Variants in BORCS5 observed in about 807,000 individuals in gnomAD.
The protein encoded by BORCS5 is BLOC-1 related complex subunit 5.
Under a neutral mutation model 22.1 loss-of-function variants are expected in BORCS5, and 17 were observed. The ratio of observed to expected loss-of-function variants is 0.77; its 90% CI spans 0.53 to 1.15. The LOEUF (loss-of-function observed/expected upper bound fraction) is 1.15, where lower values mean the gene tolerates loss of function less well. Among genes scored for constraint, BORCS5 ranks in the 50% most tolerant of loss-of-function variants. The pLI, the probability that BORCS5 is intolerant of heterozygous loss-of-function variation, is 0.00. For synonymous variants in BORCS5, 117 were observed against 99.8 expected (o/e 1.17, Z -1.03); for missense variants, 247 against 253.2 (o/e 0.98, Z 0.17).
chr12:12,403,942 T>C (rs1234185192), intron 2 of BORCS5, among the ~76,000 whole-genome samples: 2 of 152,240 alleles, frequency 1.3e-5, no homozygotes, highest in Non-Finnish European at 2.9e-5. Flanking sequence ...CTTGGCTTTG[T>C]TGACCTTTGG....
chr12:12,372,328 T>C (rs1863548118), intron 2 of BORCS5, among the ~76,000 whole-genome samples: 1 of 151,846 alleles, frequency 6.6e-6, no homozygotes, highest in Non-Finnish European at 1.5e-5. Flanking sequence ...TGCATTTCTT[T>C]TAAAATTTAC....
chr12:12,446,766 A>G (rs1942799063), intron 3 of BORCS5, among the ~76,000 whole-genome samples: 1 of 152,198 alleles, frequency 6.6e-6, no homozygotes, highest in Non-Finnish European at 1.5e-5. Context: ...AGTAGAGAGC[A>G]TTTCACTTGT....
intron 2 of BORCS5, among the ~76,000 whole-genome samples, chr12:12,372,531 T>C (rs1863554199): frequency 1.3e-5 from 2 of 152,068 alleles, no homozygotes; most frequent in African/African-American, 4.8e-5. Context: ...TTTATTCCTT[T>C]AAGGATACCA....
chr12:12,452,221 C>T (rs1373130375), intron 3 of BORCS5: 3 of 659,902 alleles, frequency 4.5e-6, no homozygotes, highest in Non-Finnish European at 5.5e-6. Flanking sequence ...CAGGCTGAAG[C>T]TCCCCCTCAG....
At chr12:12,362,905 C>T (rs1304389735) in intron 2 of BORCS5, among the ~76,000 whole-genome samples, 2 of 151,900 alleles carry the variant, frequency 1.3e-5, no homozygotes, top group African/African-American at 4.8e-5. Context: ...CCCACCTCGG[C>T]CTCCCAAAGT....
intron 2 of BORCS5, among the ~76,000 whole-genome samples, chr12:12,388,152 T>C (rs1863923785): frequency 6.6e-6 from 1 of 151,514 alleles, no homozygotes; most frequent in African/African-American, 2.4e-5. Flanking sequence ...ATGCTTATTA[T>C]GTATATCATT....
intron 2 of BORCS5, among the ~76,000 whole-genome samples, chr12:12,363,570 C>T (rs1438557756): frequency 6.6e-6 from 1 of 152,102 alleles, no homozygotes; most frequent in Non-Finnish European, 1.5e-5. Flanking sequence ...CCTGTCTCTA[C>T]TGAAAGTACA....
chr12:12,439,449 G>A (rs940150825), intron 3 of BORCS5, among the ~76,000 whole-genome samples: 4 of 151,978 alleles, frequency 2.6e-5, no homozygotes, highest in Admixed American at 2.6e-4. Flanking sequence ...GCAACATGGT[G>A]AAACCCCATC....
Position 12,371,214 on chromosome 12 carries a change from C to A in BORCS5, c.202+9865C>A, listed in dbSNP as rs58932972. The stretch of plus-strand genomic sequence containing the variant: ...TTAGTGAAGGGTCTTATTTAGAATC[C>A]ATTTCTGGACCTTCTCAGAAGATTT... On this transcript the variant is annotated intron_variant, in intron 2 of 3. Transcript: ENST00000314565. Among the ~76,000 whole-genome samples the A allele has an allele frequency of 7.0e-3, 1,069 of 152,246 alleles. 11 individuals are homozygous for A. The highest frequency in any genetic ancestry group is 0.027 in the Middle Eastern group (8 of 294).
intron 2 of BORCS5, among the ~76,000 whole-genome samples, chr12:12,398,130 C>G (rs1256853954): frequency 6.6e-6 from 1 of 152,152 alleles, no homozygotes; most frequent in Non-Finnish European, 1.5e-5. Flanking sequence ...AGAAGATGCA[C>G]TAATGCATCA....
At position 12,430,911 on chromosome 12, in the gene BORCS5, A is replaced by G. The variant is rs559857287; in HGVS notation, c.203-4717A>G. Among the ~76,000 whole-genome samples the G allele has an allele frequency of 3.9e-5, 6 of 152,260 alleles. No homozygotes were observed. In the East Asian group the frequency reaches 1.2e-3, roughly 29 times the overall value. On this transcript the variant is annotated intron_variant, in intron 2 of 3. Coordinates refer to ENST00000314565, the MANE Select transcript of BORCS5 (RefSeq NM_058169.6). ...ATGTAAGTACATAGAGAGCGCCCTC[A>G]TTCTTTTCTTTGTTCATGTAATACT...
chr12:12,430,927 A>G lies in BORCS5; in HGVS notation c.203-4701A>G, dbSNP rs533365833. Among the ~76,000 whole-genome samples the G allele has an allele frequency of 2.0e-5, 3 of 152,210 alleles. No individual in the cohort carries two copies. The East Asian group carries it at 5.8e-4, about 29-fold the overall frequency. Reference sequence around the variant, plus strand: ...AGCGCCCTCATTCTTTTCTTTGTTCATGTAATACTATTTATAGATATACCC... The same window carrying G: ...AGCGCCCTCATTCTTTTCTTTGTTCGTGTAATACTATTTATAGATATACCC... On this transcript the variant is annotated intron_variant, in intron 2 of 3. Coordinates refer to ENST00000314565, the MANE Select transcript of BORCS5 (RefSeq NM_058169.6).
chr12:12,453,229 A>T (rs975488323), intron 3 of BORCS5, among the ~76,000 whole-genome samples: 3 of 152,234 alleles, frequency 2.0e-5, no homozygotes, highest in Non-Finnish European at 2.9e-5. Flanking sequence ...TTTATTTTTT[A>T]AAAAATGAAT....
chr12:12,390,974 TA>T (rs1286057281), intron 2 of BORCS5, among the ~76,000 whole-genome samples: 1 of 151,982 alleles, frequency 6.6e-6, no homozygotes, highest in Non-Finnish European at 1.5e-5. Context: ...TAGAAAAAAG[TA>T]CACGTTAAAA....
At chr12:12,441,853 G>A (rs1347944034) in intron 3 of BORCS5, among the ~76,000 whole-genome samples, 2 of 152,108 alleles carry the variant, frequency 1.3e-5, no homozygotes, top group African/African-American at 4.8e-5. Context: ...GCATACTCGT[G>A]CCTGGGGAAC....
At chr12:12,443,514 C>T (rs901404154) in intron 3 of BORCS5, among the ~76,000 whole-genome samples, 7 of 152,174 alleles carry the variant, frequency 4.6e-5, no homozygotes, top group Non-Finnish European at 8.8e-5. Flanking sequence ...TCTGGTTCGG[C>T]GGACTGTAAG....
chr12:12,358,416 C>T (rs1007115988), intron 1 of BORCS5, among the ~76,000 whole-genome samples: 2 of 152,206 alleles, frequency 1.3e-5, no homozygotes, highest in African/African-American at 4.8e-5. Flanking sequence ...ATTCTGGGGA[C>T]TGGATTGGGG....
At chr12:12,395,699 GC>G (rs1438496174) in intron 2 of BORCS5, among the ~76,000 whole-genome samples, 1 of 152,022 alleles carries the variant, frequency 6.6e-6, no homozygotes, top group African/African-American at 2.4e-5. Flanking sequence ...GCAGTAGGGA[GC>G]AGGGTATTAA....
At chr12:12,367,963 T>C (rs1863439275) in intron 2 of BORCS5, among the ~76,000 whole-genome samples, 1 of 152,224 alleles carries the variant, frequency 6.6e-6, no homozygotes, top group African/African-American at 2.4e-5. Context: ...TCAATTCAGT[T>C]GCCCTCTTGG....
Sources: allele counts gnomAD v4.1 joint callset (sites outside exome capture counted in the v4.1 genomes callset), GRCh38; gene constraint gnomAD v4.1.1; transcripts MANE v1.5; gene names NCBI Gene and HGNC (gene_info 2026-07-23, HGNC 2026-07-21).